NRG1: variants seen among roughly 807,000 people sequenced by gnomAD.
NRG1 encodes the protein pro-neuregulin-1, membrane-bound isoform.
NRG1 carries 18 observed loss-of-function variants against 63.8 expected under a neutral mutation model. That is an observed-to-expected ratio of 0.28 (90% CI 0.19 to 0.42). NRG1 has a LOEUF of 0.42. Among genes scored for constraint, NRG1 ranks in the 10% least tolerant of loss-of-function variants. NRG1 has a pLI of 1.00. For missense variants in NRG1, 762 were observed against 814.7 expected (o/e 0.94, Z 0.79); for synonymous variants, 302 against 301.3 (o/e 1.00, Z -0.02).
intron 1 of NRG1, among the ~76,000 whole-genome samples, chr8:32,295,392 A>G (rs1854720266): frequency 6.6e-6 from 1 of 152,146 alleles, no homozygotes; most frequent in Non-Finnish European, 1.5e-5. Flanking sequence ...GATGAAACTG[A>G]AAGTGGATTG....
At chr8:31,896,690 C>T (rs1229650956) in intron 1 of NRG1, among the ~76,000 whole-genome samples, 1 of 152,198 alleles carries the variant, frequency 6.6e-6, no homozygotes, top group Non-Finnish European at 1.5e-5. Context: ...TCCATGTGGT[C>T]CTCTTGCTGC....
chr8:32,697,953 A>C (rs1380673897), intron 5 of NRG1, among the ~76,000 whole-genome samples: 1 of 152,308 alleles, frequency 6.6e-6, no homozygotes, highest in South Asian at 2.1e-4. Context: ...CACGCCTGTA[A>C]TCCCAGCACT....
intron 1 of NRG1, among the ~76,000 whole-genome samples, chr8:32,495,613 C>G (rs1326976682): frequency 6.6e-6 from 1 of 152,098 alleles, no homozygotes; most frequent in African/African-American, 2.4e-5. Flanking sequence ...CAGGCGCTCG[C>G]CACCACGCCC....
intron 1 of NRG1, among the ~76,000 whole-genome samples, chr8:32,174,150 A>G (rs1840408079): frequency 6.6e-6 from 1 of 152,234 alleles, no homozygotes; most frequent in Non-Finnish European, 1.5e-5. Flanking sequence ...CTCTCAGACC[A>G]CAGTGCAATC....
chr8:31,968,470 T>C (rs918926495), intron 1 of NRG1, among the ~76,000 whole-genome samples: 1 of 152,222 alleles, frequency 6.6e-6, no homozygotes, highest in Non-Finnish European at 1.5e-5. Flanking sequence ...ATTTATTACA[T>C]AATTATTATT....
At chr8:32,462,729 G>A (rs1409948979) in intron 1 of NRG1, among the ~76,000 whole-genome samples, 3 of 150,332 alleles carry the variant, frequency 2.0e-5, no homozygotes, top group African/African-American at 4.9e-5. Flanking sequence ...TCAGCCTGCC[G>A]AGTAGCTGGG....
At chr8:32,699,726 C>G (rs1649302931) in intron 5 of NRG1, among the ~76,000 whole-genome samples, 1 of 152,064 alleles carries the variant, frequency 6.6e-6, no homozygotes, top group African/African-American at 2.4e-5. Context: ...CTTGAGCCAT[C>G]TTTTCTCTAG....
At chr8:32,130,399 A>G (rs1834653436) in intron 1 of NRG1, among the ~76,000 whole-genome samples, 1 of 152,002 alleles carries the variant, frequency 6.6e-6, no homozygotes, top group Non-Finnish European at 1.5e-5. Context: ...GGACTGAGAT[A>G]GAGATTTATT....
At chr8:32,204,190 T>C (rs1843784058) in intron 1 of NRG1, among the ~76,000 whole-genome samples, 1 of 152,180 alleles carries the variant, frequency 6.6e-6, no homozygotes, top group Non-Finnish European at 1.5e-5. Context: ...GTCAGAAAGA[T>C]GAGGAAAGGG....
At chr8:32,196,118 AGT>A (rs55951634) in intron 1 of NRG1, among the ~76,000 whole-genome samples, 2,215 of 146,854 alleles carry the variant, frequency 0.015, 42 homozygotes, top group African/African-American at 0.045. Context: ...AAAAACAATG[AGT>A]GTGTGTGTGT....
At chr8:32,578,913 T>A (rs1840147512) in intron 1 of NRG1, among the ~76,000 whole-genome samples, 1 of 152,196 alleles carries the variant, frequency 6.6e-6, no homozygotes, top group African/African-American at 2.4e-5. Flanking sequence ...TGACTTAGAA[T>A]TGAATGTAAT....
At chr8:32,208,448 G>A (rs1390837395) in intron 1 of NRG1, among the ~76,000 whole-genome samples, 1 of 152,006 alleles carries the variant, frequency 6.6e-6, no homozygotes, top group Non-Finnish European at 1.5e-5. Context: ...AGTAGAGACA[G>A]GGTTTCACCA....
At chr8:32,013,344 G>A (rs1815035446) in intron 1 of NRG1, among the ~76,000 whole-genome samples, 1 of 152,074 alleles carries the variant, frequency 6.6e-6, no homozygotes, top group Non-Finnish European at 1.5e-5. Flanking sequence ...TATACCCACT[G>A]GGTAAAGGGA....
At chr8:32,339,323 C>T (rs1803741110) in intron 1 of NRG1, among the ~76,000 whole-genome samples, 1 of 152,070 alleles carries the variant, frequency 6.6e-6, no homozygotes, top group Non-Finnish European at 1.5e-5. Context: ...TCTCCTTTGC[C>T]CCTAAACCCC....
At chr8:32,005,513 GA>G (rs2129780927) in intron 1 of NRG1, among the ~76,000 whole-genome samples, 1 of 152,020 alleles carries the variant, frequency 6.6e-6, no homozygotes, top group East Asian at 1.9e-4. Flanking sequence ...AATAATTGCT[GA>G]AAAATAGTCA....
chr8:32,262,222 T>G (rs1211025571), intron 1 of NRG1, among the ~76,000 whole-genome samples: 1 of 152,220 alleles, frequency 6.6e-6, no homozygotes, highest in Non-Finnish European at 1.5e-5. Flanking sequence ...TCACAAATTT[T>G]GCAAATGCAT....
chr8:32,521,031 T>C (rs1003502268), intron 1 of NRG1, among the ~76,000 whole-genome samples: 2 of 152,190 alleles, frequency 1.3e-5, no homozygotes, highest in African/African-American at 4.8e-5. Flanking sequence ...ATTATTATTA[T>C]TGTTCTTTTT....
At chr8:31,958,552 A>G (rs1055924623) in intron 1 of NRG1, among the ~76,000 whole-genome samples, 9 of 152,308 alleles carry the variant, frequency 5.9e-5, no homozygotes, top group African/African-American at 2.2e-4. Context: ...TCCATCCTAC[A>G]TGGAGAATGT....
chr8:32,718,889 A>G (rs1819933216), intron 5 of NRG1, among the ~76,000 whole-genome samples: 1 of 152,138 alleles, frequency 6.6e-6, no homozygotes, highest in African/African-American at 2.4e-5. Context: ...ATATGATCAC[A>G]TTATTTCACT....
Sources: gnomAD v4.1 joint callset for allele counts (sites outside exome capture counted in the v4.1 genomes callset) on GRCh38, gnomAD v4.1.1 for gene constraint, MANE v1.5 for transcripts, NCBI Gene and HGNC (gene_info 2026-07-23, HGNC 2026-07-21) for gene names.